Variants in LRRC9 observed in about 807,000 individuals in gnomAD.
The protein encoded by LRRC9 is leucine rich repeat containing 9, also known as leucine-rich repeat-containing protein 9.
In LRRC9, 122 loss-of-function variants were observed where a neutral mutation model predicts 63.2. That is an observed-to-expected ratio of 1.93 (90% CI 1.67 to 2.24). The LOEUF (loss-of-function observed/expected upper bound fraction) is 2.24. Among genes scored for constraint, LRRC9 ranks in the 30% most tolerant of loss-of-function variants. LRRC9 has a pLI of 0.00. For missense variants in LRRC9, 1,071 were observed against 627.7 expected (o/e 1.71, Z -7.55); for synonymous variants, 366 against 213.1 (o/e 1.72, Z -6.25).
At position 60,060,253 on chromosome 14, in the gene LRRC9, A is replaced by G. The variant is rs1434977954; in HGVS notation, c.4276+2231A>G. Among the ~76,000 whole-genome samples the G allele has an allele frequency of 1.3e-5, 2 of 152,208 alleles. No individual in the cohort carries two copies. The highest frequency in any genetic ancestry group is 2.9e-5 in the Non-Finnish European group (2 of 68,038). ...CTGTTGAGACCCAGTGCTGAGAAAC[A>G]GATTGCTTTCCAAAGACTACTGCTC... On this transcript the variant is annotated intron_variant, in intron 31 of 31. Transcript: ENST00000445360. The surrounding 1 kb of genome is among the most constrained non-coding windows in gnomAD (Gnocchi z 4.0).
chr14:59,982,818 T>C (rs1566843097), intron 16 of LRRC9, among the ~76,000 whole-genome samples: 1 of 152,236 alleles, frequency 6.6e-6, no homozygotes, highest in Non-Finnish European at 1.5e-5. Context: ...AAGTGCTCAA[T>C]AGCCATTTGA....
rs567996615 is a variant in LRRC9, at chr14:60,004,382, A to T, written c.2842+584A>T. Reference sequence around the variant, plus strand: ...AAGAAATGAAAATTATACTCACTAGAGGTTGAAAATAAAATATACTATATG... The same window carrying T: ...AAGAAATGAAAATTATACTCACTAGTGGTTGAAAATAAAATATACTATATG... On this transcript the variant is annotated intron_variant, in intron 21 of 31. Transcript: ENST00000445360. The surrounding 1 kb of genome is among the most constrained non-coding windows in gnomAD (Gnocchi z 4.8). Among the ~76,000 whole-genome samples, 11 of 152,154 alleles carry T rather than the reference A, an allele frequency of 7.2e-5. No individual in the cohort carries two copies. Among genetic ancestry groups the T allele is most frequent in the Non-Finnish European group, 1.5e-4 (10 of 67,990 alleles).
rs35255326 is a variant in LRRC9 at position 59,981,878 on chromosome 14, A to C, written c.1909A>C (p.Asn637His). 793 of 701,080 alleles carry C rather than the reference A, an allele frequency of 1.1e-3. 8 individuals are homozygous for C. The African/African-American group carries it at 0.012, about 11-fold the overall frequency. 43.4% of individuals were successfully genotyped at this position (701,080 alleles called of 1,614,324 possible). ...GGCACCCTCTTTATTTTCTGTATTCAACAATGTTATTCTAGAAGAAAGCAA... is the reference window on the plus strand; with the variant it reads ...GGCACCCTCTTTATTTTCTGTATTCCACAATGTTATTCTAGAAGAAAGCAA... The change falls in exon 16 of 32, where the codon AAC (asparagine) becomes CAC (histidine). Residue 637 changes from asparagine to histidine, a missense_variant. By Grantham distance (68) the Asn-to-His change is moderately conservative. Coordinates refer to ENST00000445360, the Ensembl canonical transcript of LRRC9.
At chr14:60,057,551 T>C (rs1894372549) in intron 30 of LRRC9, 1 of 176,092 alleles carries the variant, frequency 5.7e-6, no homozygotes, top group Non-Finnish European at 1.2e-5. Context: ...TGGGGAAGTT[T>C]TAATTCTCAT....
intron 31 of LRRC9, among the ~76,000 whole-genome samples, chr14:60,062,862 T>A (rs1894739801): frequency 6.6e-6 from 1 of 151,898 alleles, no homozygotes; most frequent in Admixed American, 6.6e-5. Context: ...CTCCTCCTGC[T>A]TTAATCAGCC....
chr14:59,999,072 T>TA (rs569419007), intron 18 of LRRC9, 29 bp from the exon 19 acceptor site: 3 of 632,986 alleles, frequency 4.7e-6, no homozygotes, highest in South Asian at 1.9e-5. Flanking sequence ...TAACAGTTTA[T>TA]AAAAAATTTT....
intron 27 of LRRC9, among the ~76,000 whole-genome samples, chr14:60,025,147 T>C (rs1027003862): frequency 3.9e-5 from 6 of 151,914 alleles, no homozygotes; most frequent in African/African-American, 7.2e-5. Flanking sequence ...CTGGAGTGCA[T>C]TGGCACAATC....
downstream of LRRC9, among the ~76,000 whole-genome samples, chr14:60,063,743 T>A (rs978573508): frequency 6.6e-6 from 1 of 152,216 alleles, no homozygotes; most frequent in East Asian, 1.9e-4. Flanking sequence ...TAGGAAGATA[T>A]TGAGAAAAGA....
intron 30 of LRRC9, among the ~76,000 whole-genome samples, chr14:60,057,017 A>G (rs1013048142): frequency 2.0e-5 from 3 of 152,180 alleles, no homozygotes; most frequent in Admixed American, 2.0e-4. Flanking sequence ...TCGTTAGGGA[A>G]TTTAGGACTG....
chr14:59,937,282 G>GC (rs1890216799), intron 6 of LRRC9, among the ~76,000 whole-genome samples: 1 of 143,394 alleles, frequency 7.0e-6, no homozygotes, highest in Non-Finnish European at 1.5e-5. Flanking sequence ...ATTCTTCTTT[G>GC]TTTTTTTTGA....
intron 29 of LRRC9, among the ~76,000 whole-genome samples, chr14:60,036,134 T>C (rs553108493): frequency 6.6e-6 from 1 of 152,224 alleles, no homozygotes; most frequent in South Asian, 2.1e-4. Flanking sequence ...ATAAGGGTAC[T>C]GGTCCCATCA....
chr14:59,971,976 G>A (rs976308819), intron 12 of LRRC9, among the ~76,000 whole-genome samples: 2 of 152,108 alleles, frequency 1.3e-5, no homozygotes, highest in Non-Finnish European at 2.9e-5. Flanking sequence ...GAAACTTTCA[G>A]TAGCTTCGCA....
rs1889789416 is a variant in LRRC9 at position 59,932,526 on chromosome 14, G to A, written c.543+487G>A. Among the ~76,000 whole-genome samples the A allele has an allele frequency of 6.6e-6, 1 of 151,918 alleles. No individual in the cohort carries two copies. Among genetic ancestry groups the A allele is most frequent in the Admixed American group, 6.6e-5 (1 of 15,222 alleles). ...TGCAAACTAATTTTTCCTCTACCAG[G>A]CCTTCTCCTGCAGTCTTCCTCACCT... On this transcript the variant is annotated intron_variant, in intron 6 of 31. Transcript: ENST00000445360. The surrounding 1 kb of genome is among the most constrained non-coding windows in gnomAD (Gnocchi z 4.7).
chr14:59,945,051 T>G (rs951571879), intron 8 of LRRC9, among the ~76,000 whole-genome samples: 1 of 152,016 alleles, frequency 6.6e-6, no homozygotes, highest in East Asian at 1.9e-4. Flanking sequence ...TTCAATATGA[T>G]TTAGAGTGTT....
At chr14:59,931,584 ATCTGT>A (rs1452133642) in intron 4 of LRRC9, 30 bp from the exon 5 acceptor site, 47 of 682,026 alleles carry the variant, frequency 6.9e-5, no homozygotes, top group Non-Finnish European at 1.1e-4. Flanking sequence ...AATTTTAATT[ATCTGT>A]TCTAAATAAT....
intron 26 of LRRC9, among the ~76,000 whole-genome samples, chr14:60,019,759 C>T (rs1400192245): frequency 6.6e-6 from 1 of 151,536 alleles, no homozygotes; most frequent in Non-Finnish European, 1.5e-5. Context: ...CACTTAATGA[C>T]TCAGCACCAA....
At position 60,042,450 on chromosome 14, in the gene LRRC9, C is replaced by G. The variant is rs1048331129; in HGVS notation, c.3990+10387C>G. On this transcript the variant is annotated intron_variant, in intron 29 of 31. Coordinates refer to ENST00000445360, the Ensembl canonical transcript of LRRC9. This position sits in a 1 kb window ranked among gnomAD's most constrained non-coding sequence, Gnocchi z 4.2. The stretch of plus-strand genomic sequence containing the variant: ...TTACCTATTCAAGCCTCAGCAATGG[C>G]GGATGCCCCTCCCCTAGCCTCGCTG... 6.6e-6 allele frequency among the ~76,000 whole-genome samples: 1 copy of G among 152,224 alleles called. No homozygotes were observed. Among genetic ancestry groups the G allele is most frequent in the Admixed American group, 6.5e-5 (1 of 15,282 alleles).
chr14:60,046,280 A>G (rs1893418303), intron 29 of LRRC9, among the ~76,000 whole-genome samples: 1 of 152,072 alleles, frequency 6.6e-6, no homozygotes, highest in African/African-American at 2.4e-5. Context: ...GTTTAGTTAG[A>G]TCCCATTTGC....
chr14:59,922,906 A>G lies in LRRC9; in HGVS notation c.-34+3023A>G, dbSNP rs1352462100. On this transcript the variant is annotated intron_variant, in intron 1 of 31. Coordinates refer to ENST00000445360, the Ensembl canonical transcript of LRRC9. This position sits in a 1 kb window ranked among gnomAD's most constrained non-coding sequence, Gnocchi z 5.3. Reference sequence around the variant, plus strand: ...ATGCATTTGTAGTGACTTCAGCTCCATGCTGGTTAGGTGAAATTTTCCAGT... The same window carrying G: ...ATGCATTTGTAGTGACTTCAGCTCCGTGCTGGTTAGGTGAAATTTTCCAGT... Among the ~76,000 whole-genome samples, 1 of 152,256 alleles carries G rather than the reference A, an allele frequency of 6.6e-6. No individual in the cohort carries two copies. The highest frequency in any genetic ancestry group is 1.5e-5 in the Non-Finnish European group (1 of 68,046).
Sources: gnomAD v4.1 joint callset for allele counts (sites outside exome capture counted in the v4.1 genomes callset) on GRCh38, gnomAD v4.1.1 for gene constraint, Gnocchi (gnomAD v3.1) non-coding constraint, MANE v1.5 for transcripts, NCBI Gene and HGNC (gene_info 2026-07-23, HGNC 2026-07-21) for gene names.